APOBEC1: variants seen among roughly 807,000 people sequenced by gnomAD.
APOBEC1 encodes C->U-editing enzyme APOBEC-1.
A neutral mutation model predicts 26.3 loss-of-function variants in APOBEC1; 22 were observed. That is an observed-to-expected ratio of 0.84 (90% CI 0.60 to 1.19). APOBEC1 has a LOEUF of 1.19. APOBEC1 is among the 50% of genes most tolerant of loss of function. APOBEC1 has a pLI of 0.00. For synonymous variants in APOBEC1, 77 were observed against 95.3 expected, an observed-to-expected ratio of 0.81 and a Z score of 1.12; for missense variants, 253 against 289.0, an observed-to-expected ratio of 0.88 and a Z score of 0.90.
At chr12:7,657,963 T>C (rs1863739001) in intron 1 of APOBEC1, among the ~76,000 whole-genome samples, 2 of 152,204 alleles carry the variant, frequency 1.3e-5, no homozygotes, top group African/African-American at 4.8e-5. Flanking sequence ...AATTGAAGTC[T>C]ATGACAAAAA....
rs763891346 is a variant in APOBEC1, at chr12:7,649,698, T to C, written c.562-2A>G. 1 of 1,602,846 alleles carries C rather than the reference T, an allele frequency of 6.2e-7. No homozygotes were observed. Among genetic ancestry groups the C allele is most frequent in the Non-Finnish European group, 8.5e-7 (1 of 1,170,438 alleles). The stretch of plus-strand genomic sequence containing the variant: ...AATCTTTAAACAGGGTGGAAGACTC[T>C]GGAATAAAAAAGGATTATATTTAAT... On this transcript the variant is annotated splice_acceptor_variant, in intron 4 of 4. Coordinates refer to ENST00000229304, the MANE Select transcript of APOBEC1 (RefSeq NM_001644.5). LOFTEE classifies it high-confidence loss of function.
At chr12:7,669,184 C>T (rs147187897), upstream of APOBEC1, among the ~76,000 whole-genome samples, 3 of 150,652 alleles carry the variant, frequency 2.0e-5, no homozygotes, top group Non-Finnish European at 3.0e-5. Flanking sequence ...TGTTCTTTTG[C>T]TCAGCTTTTC....
At chr12:7,669,799 G>A (rs150842856), upstream of APOBEC1, among the ~76,000 whole-genome samples, 179 of 152,124 alleles carry the variant, frequency 1.2e-3, 1 homozygote, top group African/African-American at 4.2e-3. Context: ...AACCTCATCA[G>A]TACTTAGTAA....
Position 7,652,807 on chromosome 12 carries a change from C to T in APOBEC1, c.73G>A (p.Val25Ile), listed in dbSNP as rs200390394. Residue 25 changes from valine (V) to isoleucine (I), a missense_variant, in exon 3 of 5, where the codon GTC becomes ATC. By Grantham distance (29) the Val-to-Ile change is conservative. Coordinates refer to ENST00000229304, the MANE Select transcript of APOBEC1 (RefSeq NM_001644.5). ...CGAAGTTCTCTGGGGTCATAGAAGACGTCAAACTCCCAGGGTTCGATTCTT... is the reference window on the plus strand; with the variant it reads ...CGAAGTTCTCTGGGGTCATAGAAGATGTCAAACTCCCAGGGTTCGATTCTT... ...RRRIEPWEFD[V>I]FYDPRELRKE... is the part of the protein sequence containing the mutation. 372 of 1,599,234 alleles carry T rather than the reference C, an allele frequency of 2.3e-4. No individual in the cohort carries two copies. Among genetic ancestry groups the T allele is most frequent in the Non-Finnish European group, 3.0e-4 (353 of 1,172,320 alleles).
rs369006530 is a variant in APOBEC1 at position 7,649,504 on chromosome 12, C to A, written c.*43G>T. The stretch of plus-strand genomic sequence containing the variant: ...TGGCATTCACTCTTTAGTGGGTCAT[C>A]ATTGCTTGTTCTTGAATCAGTACAC... On this transcript the variant is annotated 3_prime_UTR_variant, in exon 5 of 5. Transcript: ENST00000229304. The A allele has an allele frequency of 6.3e-7, 1 of 1,593,436 alleles. No individual in the cohort carries two copies. The highest frequency in any genetic ancestry group is 1.7e-5 in the Admixed American group (1 of 57,812).
intron 2 of APOBEC1, among the ~76,000 whole-genome samples, 157 bp from the exon 3 acceptor site, chr12:7,652,992 C>A (rs1027884570): frequency 2.0e-5 from 3 of 151,650 alleles, no homozygotes; most frequent in African/African-American, 7.3e-5. Context: ...TGCAGTGGTG[C>A]AATCTCAGCT....
intron 3 of APOBEC1, among the ~76,000 whole-genome samples, 198 bp from the exon 4 acceptor site, chr12:7,651,339 G>A (rs1187292187): frequency 6.6e-6 from 1 of 152,154 alleles, no homozygotes; most frequent in East Asian, 1.9e-4. Flanking sequence ...TTGTTGGCTG[G>A]GTGCGGTGGC....
At chr12:7,668,786 T>C (rs1863921999), upstream of APOBEC1, among the ~76,000 whole-genome samples, 1 of 152,168 alleles carries the variant, frequency 6.6e-6, no homozygotes, top group Admixed American at 6.6e-5. Flanking sequence ...TGGAGTGCAG[T>C]GGCTTGACCT....
intron 3 of APOBEC1, 108 bp from the exon 4 acceptor site, chr12:7,651,249 T>A: frequency 1.3e-6 from 1 of 762,822 alleles, no homozygotes; most frequent in Non-Finnish European, 2.3e-6. Flanking sequence ...CTAGTCTAGT[T>A]GCTGCTGGAC....
rs1863613542 is a variant in APOBEC1, at chr12:7,649,783, T to C, written c.562-87A>G. On this transcript the variant is annotated intron_variant, in intron 4 of 4. Transcript: ENST00000229304. ...ACCACAAACATTTAAAAATGTCAGT[T>C]GGAAGACGATTTAACTATTTCTTCT... The C allele has an allele frequency of 2.8e-6, 3 of 1,089,472 alleles. No homozygotes were observed. In the South Asian group the frequency reaches 4.8e-5, roughly 17 times the overall value. The allele number at this position is 1,089,472 out of a possible 1,614,324, so 67.5% of individuals were successfully genotyped here. A position where few individuals can be genotyped will look rare whatever the true frequency, so the allele number is the denominator to read the frequency against.
intron 3 of APOBEC1, among the ~76,000 whole-genome samples, chr12:7,651,607 G>A (rs1264600504): frequency 3.6e-4 from 18 of 50,658 alleles, no homozygotes; most frequent in Middle Eastern, 0.012. Context: ...GCAAGACTCC[G>A]TCTCAAAAAA....
chr12:7,658,514 C>A (rs1484829467), intron 1 of APOBEC1, among the ~76,000 whole-genome samples: 1 of 152,058 alleles, frequency 6.6e-6, no homozygotes, highest in Non-Finnish European at 1.5e-5. Flanking sequence ...GGCTTGATTA[C>A]CCAACAGAGG....
upstream of APOBEC1, among the ~76,000 whole-genome samples, chr12:7,667,387 T>C (rs1401596620): frequency 6.6e-6 from 1 of 152,208 alleles, no homozygotes; most frequent in Middle Eastern, 3.4e-3. Context: ...GTGTCTCAAA[T>C]CTAGAACTCC....
upstream of APOBEC1, among the ~76,000 whole-genome samples, chr12:7,668,767 C>T (rs1863921832): frequency 6.6e-6 from 1 of 151,936 alleles, no homozygotes; most frequent in Admixed American, 6.6e-5. Flanking sequence ...CTTCCTCTAT[C>T]GCCCAGGCTG....
At chr12:7,666,807 A>G (rs1863898847), upstream of APOBEC1, among the ~76,000 whole-genome samples, 1 of 152,026 alleles carries the variant, frequency 6.6e-6, no homozygotes, top group African/African-American at 2.4e-5. Flanking sequence ...TAGATACAAA[A>G]TGAGAAGGAC....
chr12:7,664,121 C>G (rs1198440973), intron 1 of APOBEC1, among the ~76,000 whole-genome samples: 1 of 152,094 alleles, frequency 6.6e-6, no homozygotes, highest in Non-Finnish European at 1.5e-5. Flanking sequence ...TCCCAAAGTG[C>G]TGGGATTACA....
In APOBEC1 at chr12:7,652,446, C is replaced by T. The variant is rs552956016; in HGVS notation, c.434G>A (p.Arg145Lys). Residue 145 changes from arginine to lysine, a missense_variant, in exon 3 of 5, where the codon AGA (arginine) becomes AAA (lysine). Arg to Lys is a conservative substitution (Grantham distance 26). Coordinates refer to ENST00000229304, the MANE Select transcript of APOBEC1 (RefSeq NM_001644.5). ...VNSGVTIQIMRASEYYHCWRN... is the reference protein window; with the variant it reads ...VNSGVTIQIMKASEYYHCWRN... ...TTGTTTACTGTTTTTACCTGATGCTCTCATAATCTGAATAGTTACTCCACT... is the reference window on the plus strand; with the variant it reads ...TTGTTTACTGTTTTTACCTGATGCTTTCATAATCTGAATAGTTACTCCACT... 3.4e-5 allele frequency: 55 copies of T among 1,611,486 alleles called. No individual in the cohort carries two copies. Among genetic ancestry groups the T allele is most frequent in the Non-Finnish European group, 3.9e-5 (46 of 1,179,078 alleles).
chr12:7,664,842 G>A (rs959417480), intron 1 of APOBEC1, among the ~76,000 whole-genome samples: 12 of 150,406 alleles, frequency 8.0e-5, no homozygotes, highest in African/African-American at 2.9e-4. Flanking sequence ...AGGAGGTCAA[G>A]ACAGCAGTGA....
rs556111132 is a variant in APOBEC1 at position 7,663,857 on chromosome 12, A to AT, written c.16+1999dup. 2.5e-3 allele frequency among the ~76,000 whole-genome samples: 367 copies of AT among 147,940 alleles called. 3 individuals are homozygous for AT. Among genetic ancestry groups the AT allele is most frequent in the African/African-American group, 6.6e-3 (267 of 40,406 alleles). On this transcript the variant is annotated intron_variant, in intron 1 of 4. Coordinates refer to ENST00000229304, the MANE Select transcript of APOBEC1 (RefSeq NM_001644.5). ...CCCCCAGTATGCCACTTAAAAAAGA[A>AT]TTTTTTTTTTTTTCCCGAGATGGAG...
Sources: allele counts gnomAD v4.1 joint callset (sites outside exome capture counted in the v4.1 genomes callset), GRCh38; gene constraint gnomAD v4.1.1; transcripts MANE v1.5; gene names NCBI Gene and HGNC (gene_info 2026-07-23, HGNC 2026-07-21).